The following PCBP3 variants were observed in gnomAD, a reference collection of about 807,000 sequenced individuals.
PCBP3 encodes the protein poly(rC) binding protein 3.
PCBP3 carries 25 observed loss-of-function variants against 52.7 expected under a neutral mutation model. The observed-to-expected ratio is 0.47, with a 90% CI of 0.35 to 0.66. The LOEUF is 0.66. PCBP3 is among the 30% of genes least tolerant of loss of function. The pLI is 0.01. For synonymous variants in PCBP3, 162 were observed against 183.0 expected (o/e 0.89, Z 0.93); for missense variants, 391 against 490.3 (o/e 0.80, Z 1.91).
At chr21:45,748,891 G>A (rs957741375) in intron 3 of PCBP3, among the ~76,000 whole-genome samples, 4 of 152,190 alleles carry the variant, frequency 2.6e-5, no homozygotes, top group Non-Finnish European at 4.4e-5. Flanking sequence ...ACGTGACCTC[G>A]GCTAGGTTCC....
At chr21:45,739,116 G>A (rs2145955391) in intron 3 of PCBP3, among the ~76,000 whole-genome samples, 2 of 127,766 alleles carry the variant, frequency 1.6e-5, no homozygotes, top group African/African-American at 6.1e-5. Flanking sequence ...GGTCCTCTGG[G>A]TGGCCCCCCC....
chr21:45,736,568 C>T lies in PCBP3; in HGVS notation c.-162+1139C>T, dbSNP rs544958800. Among the ~76,000 whole-genome samples the T allele has an allele frequency of 6.7e-6, 1 of 150,170 alleles. No homozygotes were observed. Among genetic ancestry groups the T allele is most frequent in the South Asian group, 2.1e-4 (1 of 4,698 alleles). ...TGGGGAGTTGGCAGGGGGAGGCCCT[C>T]GGAGAGATGGCATGGGGAGTTGGCA... On this transcript the variant is annotated intron_variant, in intron 3 of 17. Coordinates refer to ENST00000681687, the MANE Select transcript of PCBP3 (RefSeq NM_001384156.1). This position sits in a 1 kb window ranked among gnomAD's most constrained non-coding sequence, Gnocchi z 4.6.
chr21:45,778,279 T>A (rs763989293), intron 4 of PCBP3, among the ~76,000 whole-genome samples: 3 of 152,132 alleles, frequency 2.0e-5, no homozygotes, highest in Non-Finnish European at 4.4e-5. Flanking sequence ...GGATGCCAGG[T>A]GAGCCAGACT....
intron 15 of PCBP3, among the ~76,000 whole-genome samples, chr21:45,931,994 C>CTGAGATGAA (rs2076265969): frequency 6.6e-6 from 1 of 151,684 alleles, no homozygotes; most frequent in Admixed American, 6.6e-5. Flanking sequence ...CCATGCTGTC[C>CTGAGATGAA]CGAGATGAAT....
intron 5 of PCBP3, among the ~76,000 whole-genome samples, chr21:45,894,775 A>G (rs1217212404): frequency 6.6e-6 from 1 of 152,254 alleles, no homozygotes; most frequent in African/African-American, 2.4e-5. Context: ...CCTGCTGCAC[A>G]GTGCAGCGAG....
chr21:45,929,475 A>C (rs1316026816), intron 13 of PCBP3, among the ~76,000 whole-genome samples: 1 of 152,208 alleles, frequency 6.6e-6, no homozygotes, highest in Non-Finnish European at 1.5e-5. Context: ...TTGCAAACTC[A>C]TGCCTCTGTG....
At chr21:45,859,853 C>T (rs1366708878) in intron 5 of PCBP3, 1 of 152,336 alleles carries the variant, frequency 6.6e-6, no homozygotes, top group Non-Finnish European at 1.5e-5. Context: ...CAGGCGGCCT[C>T]TTCCTTCAAC....
At position 45,928,844 on chromosome 21, in the gene PCBP3, G is replaced by T. The variant is rs954004214; in HGVS notation, c.718-1073G>T. 4.6e-5 allele frequency among the ~76,000 whole-genome samples: 7 copies of T among 152,182 alleles called. No homozygotes were observed. Among genetic ancestry groups the T allele is most frequent in the Admixed American group, 6.5e-5 (1 of 15,286 alleles). On this transcript the variant is annotated intron_variant, in intron 13 of 17. Coordinates refer to ENST00000681687, the MANE Select transcript of PCBP3 (RefSeq NM_001384156.1). The surrounding 1 kb of genome is among the most constrained non-coding windows in gnomAD (Gnocchi z 4.1). Reference sequence around the variant, plus strand: ...TGTTCTGAAGGGAAAATGCTGGGGAGGTGGTGCCCTCCCCAAATGTGCCAC... The same window carrying T: ...TGTTCTGAAGGGAAAATGCTGGGGATGTGGTGCCCTCCCCAAATGTGCCAC...
At chr21:45,927,856 G>A (rs1292774271) in intron 13 of PCBP3, among the ~76,000 whole-genome samples, 1 of 152,148 alleles carries the variant, frequency 6.6e-6, no homozygotes, top group Non-Finnish European at 1.5e-5. Context: ...TCTTGGAGCC[G>A]ACTCCAACCC....
chr21:45,806,710 C>T (rs2092514752), intron 4 of PCBP3, among the ~76,000 whole-genome samples: 1 of 152,022 alleles, frequency 6.6e-6, no homozygotes, highest in Non-Finnish European at 1.5e-5. Context: ...CCCCAAAGGG[C>T]CAGGGACCCA....
At chr21:45,709,515 C>G (rs903917131) in intron 2 of PCBP3, among the ~76,000 whole-genome samples, 1 of 152,082 alleles carries the variant, frequency 6.6e-6, no homozygotes, top group Non-Finnish European at 1.5e-5. Flanking sequence ...GCCGTGAGAG[C>G]TGCTGTTTTC....
At chr21:45,854,856 G>A (rs567605480) in intron 5 of PCBP3, among the ~76,000 whole-genome samples, 1 of 152,236 alleles carries the variant, frequency 6.6e-6, no homozygotes, top group South Asian at 2.1e-4. Flanking sequence ...AGCACTCCGA[G>A]CCTCTGCCCC....
chr21:45,930,941 C>T, intron 15 of PCBP3, 96 bp downstream of exon 15: 1 of 1,549,472 alleles, frequency 6.5e-7, no homozygotes, highest in Non-Finnish European at 8.7e-7. Context: ...GCAGCAGTTT[C>T]CAGCTTCCAT....
rs1368470469 is a variant in PCBP3 at position 45,805,567 on chromosome 21, A to C, written c.-125-44394A>C. Among the ~76,000 whole-genome samples, 1 of 152,148 alleles carries C rather than the reference A, an allele frequency of 6.6e-6. No homozygotes were observed. Among genetic ancestry groups the C allele is most frequent in the African/African-American group, 2.4e-5 (1 of 41,432 alleles). ...TGGGCAGTGTGGCAGAACGGCACAT[A>C]CAGGTGCCTAAAATCGAGCTAGGGG... On this transcript the variant is annotated intron_variant, in intron 4 of 17. Coordinates refer to ENST00000681687, the MANE Select transcript of PCBP3 (RefSeq NM_001384156.1). This position sits in a 1 kb window ranked among gnomAD's most constrained non-coding sequence, Gnocchi z 4.6.
At chr21:45,710,201 G>A (rs969128796) in intron 2 of PCBP3, among the ~76,000 whole-genome samples, 1 of 152,108 alleles carries the variant, frequency 6.6e-6, no homozygotes, top group Admixed American at 6.5e-5. Flanking sequence ...TGTGCACAAC[G>A]TGCAGGTTTG....
chr21:45,749,060 A>G (rs1406588477), intron 3 of PCBP3, among the ~76,000 whole-genome samples: 2 of 152,174 alleles, frequency 1.3e-5, no homozygotes, highest in Non-Finnish European at 2.9e-5. Flanking sequence ...GATGGTTTCC[A>G]TAATCATTAT....
rs563081337 is a variant in PCBP3, at chr21:45,907,447, A to T, written c.340-1908A>T. ...GAGACAGTCGAGGTTGTCGGAAGGGACTTTCTAGTCTGTCCCCAGATCTCC... is the reference window on the plus strand; with the variant it reads ...GAGACAGTCGAGGTTGTCGGAAGGGTCTTTCTAGTCTGTCCCCAGATCTCC... On this transcript the variant is annotated intron_variant, in intron 9 of 17. Transcript: ENST00000681687. 3.5e-4 allele frequency among the ~76,000 whole-genome samples: 53 copies of T among 152,188 alleles called. No individual in the cohort carries two copies. The South Asian group carries it at 3.9e-3, about 11-fold the overall frequency.
At chr21:45,941,284 T>C (rs1569514444) in intron 17 of PCBP3, among the ~76,000 whole-genome samples, 1 of 152,174 alleles carries the variant, frequency 6.6e-6, no homozygotes, top group Non-Finnish European at 1.5e-5. Flanking sequence ...CTGGGACCCG[T>C]GCTTGGGGCC....
At chr21:45,847,354 G>A (rs1194155001) in intron 4 of PCBP3, among the ~76,000 whole-genome samples, 2 of 152,124 alleles carry the variant, frequency 1.3e-5, no homozygotes, top group African/African-American at 4.8e-5. Flanking sequence ...TTGCAGAACA[G>A]CATGCTTCCC....
Sources: allele counts gnomAD v4.1 joint callset (sites outside exome capture counted in the v4.1 genomes callset), GRCh38; gene constraint gnomAD v4.1.1; non-coding constraint Gnocchi (gnomAD v3.1); transcripts MANE v1.5; gene names NCBI Gene and HGNC (gene_info 2026-07-23, HGNC 2026-07-21).